Variants in RC3H2 observed in about 807,000 individuals in gnomAD.
The protein encoded by RC3H2 is ring finger and CCCH-type domains 2.
In RC3H2, 31 loss-of-function variants were observed where a neutral mutation model predicts 133.3. The ratio of observed to expected loss-of-function variants is 0.23; its 90% CI spans 0.17 to 0.31. The LOEUF (loss-of-function observed/expected upper bound fraction) is 0.31, where lower values mean the gene tolerates loss of function less well. RC3H2 is among the 10% of genes least tolerant of loss of function. RC3H2 has a pLI of 1.00. For missense variants in RC3H2, 1,175 were observed against 1,437.2 expected (o/e 0.82, Z 2.95); for synonymous variants, 517 against 502.2 (o/e 1.03, Z -0.40).
chr9:122,900,090 GT>G (rs1332863717), intron 1 of RC3H2, among the ~76,000 whole-genome samples: 4 of 152,140 alleles, frequency 2.6e-5, no homozygotes, highest in Non-Finnish European at 5.9e-5. Context: ...ACACTTAATA[GT>G]TTTATGTTAC....
intron 1 of RC3H2, among the ~76,000 whole-genome samples, chr9:122,903,670 C>T (rs996628583): frequency 2.0e-5 from 3 of 152,188 alleles, no homozygotes; most frequent in African/African-American, 7.2e-5. Flanking sequence ...TCTGCTTTTT[C>T]TAAACGTAAC....
At chr9:122,898,109 C>T (rs1172369317) in intron 1 of RC3H2, 2 of 152,142 alleles carry the variant, frequency 1.3e-5, no homozygotes, top group African/African-American at 4.8e-5. Context: ...CAAGACTTGG[C>T]TAGGAAGCAA....
At chr9:122,858,174 T>C in intron 12 of RC3H2, 81 bp from the exon 13 acceptor site, 1 of 1,298,358 alleles carries the variant, frequency 7.7e-7, no homozygotes, top group Non-Finnish European at 1.1e-6. Flanking sequence ...ATGTAAACAG[T>C]TTATGATATT....
intron 1 of RC3H2, among the ~76,000 whole-genome samples, chr9:122,901,069 A>G (rs550245068): frequency 6.6e-6 from 1 of 152,240 alleles, no homozygotes; most frequent in Non-Finnish European, 1.5e-5. Flanking sequence ...TTAGTCCACC[A>G]TATTATGCAG....
rs146430774 is a variant in RC3H2, at chr9:122,859,068, A to G, written c.1884T>C (p.Gly628=). 508 of 1,594,002 alleles carry G rather than the reference A, an allele frequency of 3.2e-4. No homozygotes were observed. The African/African-American group carries it at 5.6e-3, about 18-fold the overall frequency. The change falls in exon 12 of 21, where the codon GGT becomes GGC. Residue 628 remains glycine, a synonymous_variant. Transcript: ENST00000357244. ...CAAAGCGAGGAACACAGGGAGCCAC[A>G]CCAGCTGGTACCGTTGGAGGTGGTG... is the stretch of plus-strand genomic sequence containing the variant. ...YYPPPPTVPA[G]VAPCVPRFVR...
At chr9:122,901,866 G>A (rs1454321862) in intron 1 of RC3H2, among the ~76,000 whole-genome samples, 7 of 151,648 alleles carry the variant, frequency 4.6e-5, no homozygotes, top group Non-Finnish European at 1.0e-4. Flanking sequence ...TGGGATTACA[G>A]GCATGAGCCT....
intron 9 of RC3H2, chr9:122,875,323 T>C: frequency 6.4e-7 from 1 of 1,550,628 alleles, no homozygotes; most frequent in African/African-American, 1.4e-5. Flanking sequence ...AGCTAGCCAC[T>C]GAGGAAAGGA....
In RC3H2 at chr9:122,865,422, C is replaced by G; in HGVS notation, c.1561G>C (p.Val521Leu). ...GCGCCAACCTTTCCCACTTTCTTCACGGTCTCCAGAGCTCTTAAGGTACTG... is the reference window on the plus strand; with the variant it reads ...GCGCCAACCTTTCCCACTTTCTTCAGGGTCTCCAGAGCTCTTAAGGTACTG... Reference protein sequence around the residue: ...TDSTLRALETVKKVGKVGANG... With the variant: ...TDSTLRALETLKKVGKVGANG... The change falls in exon 10 of 21, where the codon GTG (valine) becomes CTG (leucine). Residue 521 changes from valine to leucine, a missense_variant. Transcript: ENST00000357244. 2 of 1,614,208 alleles carry G rather than the reference C, an allele frequency of 1.2e-6. No individual in the cohort carries two copies. The highest frequency in any genetic ancestry group is 1.3e-5 in the African/African-American group (1 of 75,060).
At chr9:122,854,478 G>T in intron 16 of RC3H2, 53 bp downstream of exon 16, 2 of 1,383,670 alleles carry the variant, frequency 1.4e-6, no homozygotes, top group Non-Finnish European at 2.1e-6. Context: ...GTACCCTTAA[G>T]ATACATACAA....
Position 122,859,012 on chromosome 9 carries a change from A to G in RC3H2, c.1940T>C (p.Leu647Pro), listed in dbSNP as rs1472925228. The change falls in exon 12 of 21, where the codon CTC becomes CCC. Residue 647 changes from leucine (L) to proline (P), a missense_variant. By Grantham distance (98) the Leu-to-Pro change is moderately conservative (BLOSUM62 -3). Coordinates refer to ENST00000357244, the MANE Select transcript of RC3H2 (RefSeq NM_001100588.3). ...VRSNNVPESS[L>P]PPASMPYADH... ...GGCATATGGCATGGAAGCAGGTGGGAGGGAGGACTCTGGAACGTTATTGGA... is the reference window on the plus strand; with the variant it reads ...GGCATATGGCATGGAAGCAGGTGGGGGGGAGGACTCTGGAACGTTATTGGA... 6.2e-7 allele frequency: 1 copy of G among 1,613,938 alleles called. No homozygotes were observed. Among genetic ancestry groups the G allele is most frequent in the Admixed American group, 1.7e-5 (1 of 60,006 alleles).
chr9:122,875,053 T>C (rs1019635073), intron 9 of RC3H2: 9 of 1,059,230 alleles, frequency 8.5e-6, no homozygotes, highest in African/African-American at 4.8e-5. Context: ...AAAAGCTCTA[T>C]TTCAGGTATG....
chr9:122,872,266 G>A (rs1053570514), intron 9 of RC3H2, among the ~76,000 whole-genome samples: 2 of 152,234 alleles, frequency 1.3e-5, no homozygotes, highest in Middle Eastern at 6.8e-3. Context: ...ATTGGTCCAT[G>A]TTGTCAGCTC....
intron 4 of RC3H2, among the ~76,000 whole-genome samples, chr9:122,889,701 T>G (rs750432275): frequency 6.6e-6 from 1 of 152,232 alleles, no homozygotes; most frequent in Non-Finnish European, 1.5e-5. Context: ...GCTTATTACG[T>G]GTTCAATCTT....
Position 122,897,364 on chromosome 9 carries a change from G to A in RC3H2, c.146C>T (p.Ala49Val). 6.2e-7 allele frequency: 1 copy of A among 1,614,208 alleles called. No individual in the cohort carries two copies. The highest frequency in any genetic ancestry group is 8.5e-7 in the Non-Finnish European group (1 of 1,180,020). Reference sequence around the variant, plus strand: ...GATGGCAGTCTGGTCAAAAGGACAAGCTTTTCGATGAAGTTTATTCAAGCA... The same window carrying A: ...GATGGCAGTCTGGTCAAAAGGACAAACTTTTCGATGAAGTTTATTCAAGCA... ...KTCLNKLHRK[A>V]CPFDQTAINT... Residue 49 changes from alanine to valine, a missense_variant, in exon 2 of 21, where the codon GCT becomes GTT. Physicochemically the swap from Ala to Val is moderately conservative, Grantham distance 64 (BLOSUM62 0). This residue lies in a region of RC3H2 where 41 missense variants were observed against 88.0 expected (regional missense o/e 0.47). Coordinates refer to ENST00000357244, the MANE Select transcript of RC3H2 (RefSeq NM_001100588.3).
Position 122,877,453 on chromosome 9 carries a change from A to C in RC3H2, c.1325+18T>G. On this transcript the variant is annotated intron_variant, in intron 9 of 20. Coordinates refer to ENST00000357244, the MANE Select transcript of RC3H2 (RefSeq NM_001100588.3). ...ATCAAAAATTAAACCCATATGAAAC[A>C]GAATTCTCAACACTTACTTTTCAAG... The C allele has an allele frequency of 6.3e-7, 1 of 1,587,116 alleles. No individual in the cohort carries two copies. The highest frequency in any genetic ancestry group is 8.7e-7 in the Non-Finnish European group (1 of 1,155,840).
rs146242167 is a variant in RC3H2, at chr9:122,886,416, T to C, written c.584-3037A>G. The stretch of plus-strand genomic sequence containing the variant: ...CCTGTTTTCTATTCTTTTGGGTATA[T>C]ACCTAGGAATAAAACTGCTGGGTCA... On this transcript the variant is annotated intron_variant, in intron 4 of 20. Transcript: ENST00000357244. Among the ~76,000 whole-genome samples, 427 of 152,340 alleles carry C rather than the reference T, an allele frequency of 2.8e-3. 6 individuals are homozygous for C. The highest frequency in any genetic ancestry group is 9.9e-3 in the African/African-American group (411 of 41,580).
chr9:122,893,045 G>C lies in RC3H2; in HGVS notation c.232-19C>G. The stretch of plus-strand genomic sequence containing the variant: ...CTGGTACCTTAAAAAAAAAAAAAAA[G>C]GAATATTGCAGAAATACATTCATCC... On this transcript the variant is annotated intron_variant, in intron 2 of 20. Coordinates refer to ENST00000357244, the MANE Select transcript of RC3H2 (RefSeq NM_001100588.3). The C allele has an allele frequency of 6.7e-7, 1 of 1,482,294 alleles. No homozygotes were observed. Among genetic ancestry groups the C allele is most frequent in the Non-Finnish European group, 9.2e-7 (1 of 1,086,626 alleles). The allele number at this position is 1,482,294 out of a possible 1,614,324, so 91.8% of individuals were successfully genotyped here. A position where few individuals can be genotyped will look rare whatever the true frequency, so the allele number is the denominator to read the frequency against.
chr9:122,865,575 T>C lies in RC3H2; in HGVS notation c.1408A>G (p.Thr470Ala), dbSNP rs777617314. 1.2e-6 allele frequency: 2 copies of C among 1,614,202 alleles called. No individual in the cohort carries two copies. The highest frequency in any genetic ancestry group is 2.2e-5 in the South Asian group (2 of 91,078). The change falls in exon 10 of 21, where the codon ACA becomes GCA. Residue 470 changes from threonine (T) to alanine (A), a missense_variant. This residue lies in a region of RC3H2 where 490 missense variants were observed against 492.8 expected (regional missense o/e 0.99). Coordinates refer to ENST00000357244, the MANE Select transcript of RC3H2 (RefSeq NM_001100588.3). The stretch of plus-strand genomic sequence containing the variant: ...GAAATGACATTTCCGGCTGTGGTTG[T>C]GACAGTGTTGTTTACACCAACTTTA... ...LNKVGVNNTV[T>A]TTAGNVISVI...
At chr9:122,877,432 A>G in intron 9 of RC3H2, 39 bp downstream of exon 9, 1 of 1,531,388 alleles carries the variant, frequency 6.5e-7, no homozygotes, top group Non-Finnish European at 9.0e-7. Context: ...ATAAAAATCA[A>G]AAATTAAACC....
Sources: gnomAD v4.1 joint callset for allele counts (sites outside exome capture counted in the v4.1 genomes callset) on GRCh38, gnomAD v4.1.1 for gene constraint, gnomAD v4.1.1 regional missense constraint, MANE v1.5 for transcripts, NCBI Gene and HGNC (gene_info 2026-07-23, HGNC 2026-07-21) for gene names.